Variants in SLC35A1 observed in about 807,000 individuals in gnomAD.
The protein encoded by SLC35A1 is solute carrier family 35 member A1, also known as CMP-sialic acid transporter.
SLC35A1 carries 21 observed loss-of-function variants against 40.3 expected under a neutral mutation model. The observed-to-expected ratio is 0.52, with a 90% confidence interval of 0.37 to 0.75. The LOEUF is 0.75. Ranked by LOEUF, SLC35A1 falls within the 30% of genes least tolerant of loss-of-function variation. The pLI is 0.00. For missense variants in SLC35A1, 297 were observed against 382.1 expected (o/e 0.78, Z 1.86); for synonymous variants, 146 against 147.3 (o/e 0.99, Z 0.06).
intron 4 of SLC35A1, among the ~76,000 whole-genome samples, chr6:87,504,126 C>CA (rs1259681835): frequency 2.6e-5 from 4 of 151,878 alleles, no homozygotes; most frequent in South Asian, 4.1e-4. Flanking sequence ...CATGTCTCTA[C>CA]AAAAAAATTT....
intron 2 of SLC35A1, among the ~76,000 whole-genome samples, chr6:87,492,212 A>G (rs568334462): frequency 1.3e-5 from 2 of 152,290 alleles, no homozygotes; most frequent in South Asian, 2.1e-4. Context: ...CGGACCTTAT[A>G]TAAATTTTTC....
chr6:87,500,668 G>T lies in SLC35A1; in HGVS notation c.354+1G>T. The T allele has an allele frequency of 6.2e-7, 1 of 1,613,902 alleles. No individual in the cohort carries two copies. On this transcript the variant is annotated splice_donor_variant, in intron 3 of 7. Transcript: ENST00000369552. LOFTEE classifies it high-confidence loss of function. Reference sequence around the variant, plus strand: ...CAATCTGGATGCAGCAGTGTACCAGGTAAGTGGAGTTAATGATAATGAAAA... The same window carrying T: ...CAATCTGGATGCAGCAGTGTACCAGTTAAGTGGAGTTAATGATAATGAAAA...
chr6:87,508,292 T>C lies in SLC35A1; in HGVS notation c.575-128T>C, dbSNP rs1770149599. On this transcript the variant is annotated intron_variant, in intron 5 of 7. Transcript: ENST00000369552. ...CACAACCTACATAATAAATGCACAT[T>C]TAAGTAAAGTATGTTTTGTTCCCCA... is the stretch of plus-strand genomic sequence containing the variant. 3 of 653,574 alleles carry C rather than the reference T, an allele frequency of 4.6e-6. No individual in the cohort carries two copies. In the Admixed American group the frequency reaches 8.4e-5, roughly 18 times the overall value. The allele number at this position is 653,574 out of a possible 1,614,324, so 40.5% of individuals were successfully genotyped here.
chr6:87,502,318 A>C (rs1043136298), intron 4 of SLC35A1, among the ~76,000 whole-genome samples: 1 of 152,204 alleles, frequency 6.6e-6, no homozygotes, highest in African/African-American at 2.4e-5. Flanking sequence ...ACAGTTTGGT[A>C]ATTACCCCTT....
At chr6:87,486,411 A>G (rs768446506) in intron 2 of SLC35A1, among the ~76,000 whole-genome samples, 21 of 152,194 alleles carry the variant, frequency 1.4e-4, no homozygotes, top group Non-Finnish European at 1.6e-4. Context: ...ATATAATGGG[A>G]CAGTCAGGTT....
In SLC35A1 at chr6:87,483,904, C is replaced by T. The variant is rs184473900; in HGVS notation, c.194+6365C>T. Among the ~76,000 whole-genome samples, 118 of 152,286 alleles carry T rather than the reference C, an allele frequency of 7.7e-4. 1 individual carries two copies. Among genetic ancestry groups the T allele is most frequent in the South Asian group, 1.0e-3 (5 of 4,824 alleles). ...TCCCACAGCAGGATCCGCCCTAAGCCATACGAGGTAGCTGTGGAACTGCAG... is the reference window on the plus strand; with the variant it reads ...TCCCACAGCAGGATCCGCCCTAAGCTATACGAGGTAGCTGTGGAACTGCAG... On this transcript the variant is annotated intron_variant, in intron 2 of 7. Coordinates refer to ENST00000369552, the MANE Select transcript of SLC35A1 (RefSeq NM_006416.5).
chr6:87,489,109 T>TTGC (rs1251890874), intron 2 of SLC35A1, among the ~76,000 whole-genome samples: 17 of 152,230 alleles, frequency 1.1e-4, no homozygotes, highest in Admixed American at 2.6e-4. Context: ...TATAACTGGT[T>TTGC]TGCTAAAACA....
At position 87,508,436 on chromosome 6, in the gene SLC35A1, A is replaced by C; in HGVS notation, c.591A>C (p.Lys197Asn). The change falls in exon 6 of 8, where the codon AAA becomes AAC. Residue 197 changes from lysine to asparagine, a missense_variant. Coordinates refer to ENST00000369552, the MANE Select transcript of SLC35A1 (RefSeq NM_006416.5). ...TTCTTTCAGGAGTATATTTTGAAAA[A>C]GTTTTAAAGAGTTCAGATACTTCTC... ...CSGFAGVYFE[K>N]VLKSSDTSLW... is the part of the protein sequence containing the mutation. 1.2e-6 allele frequency: 2 copies of C among 1,605,450 alleles called. No homozygotes were observed. Among genetic ancestry groups the C allele is most frequent in the Non-Finnish European group, 1.7e-6 (2 of 1,173,762 alleles).
intron 2 of SLC35A1, among the ~76,000 whole-genome samples, chr6:87,485,180 A>G (rs981716870): frequency 6.6e-6 from 1 of 152,220 alleles, no homozygotes; most frequent in Non-Finnish European, 1.5e-5. Context: ...AATAATTGTT[A>G]CAAAAAATGT....
Position 87,511,556 on chromosome 6 carries a change from A to T in SLC35A1, c.*30A>T. ...AGCCTCACGTGAGACTCCTTTTAAG[A>T]CTAAACCATTTGCATTAAACTAGAG... On this transcript the variant is annotated 3_prime_UTR_variant, in exon 8 of 8. Transcript: ENST00000369552. 6.2e-7 allele frequency: 1 copy of T among 1,611,570 alleles called. No homozygotes were observed. The highest frequency in any genetic ancestry group is 8.5e-7 in the Non-Finnish European group (1 of 1,177,774).
intron 3 of SLC35A1, among the ~76,000 whole-genome samples, 156 bp from the exon 4 acceptor site, chr6:87,501,002 G>A (rs181054994): frequency 9.2e-5 from 14 of 152,072 alleles, no homozygotes; most frequent in African/African-American, 2.7e-4. Context: ...CACCCGCCTC[G>A]GCCTCCCAAA....
chr6:87,482,127 C>T (rs1203871008), intron 2 of SLC35A1, among the ~76,000 whole-genome samples: 4 of 152,276 alleles, frequency 2.6e-5, no homozygotes, highest in African/African-American at 4.8e-5. Context: ...TCGCAATCTT[C>T]GACAGGCCTC....
At chr6:87,478,471 T>C (rs893117574) in intron 2 of SLC35A1, among the ~76,000 whole-genome samples, 7 of 152,140 alleles carry the variant, frequency 4.6e-5, no homozygotes, top group African/African-American at 1.7e-4. Context: ...TCAAGATGTG[T>C]GTTGGTGAGT....
At chr6:87,476,640 G>A (rs887112037) in intron 1 of SLC35A1, among the ~76,000 whole-genome samples, 1 of 151,872 alleles carries the variant, frequency 6.6e-6, no homozygotes, top group Non-Finnish European at 1.5e-5. Flanking sequence ...CAGGAGAATT[G>A]CTTGAACCCG....
chr6:87,489,097 G>T (rs1469125108), intron 2 of SLC35A1, among the ~76,000 whole-genome samples: 1 of 152,188 alleles, frequency 6.6e-6, no homozygotes, highest in Non-Finnish European at 1.5e-5. Context: ...TAGGCTGAAG[G>T]GTATAACTGG....
At chr6:87,507,833 AATTT>A (rs1056611334) in intron 5 of SLC35A1, among the ~76,000 whole-genome samples, 96 of 151,684 alleles carry the variant, frequency 6.3e-4, no homozygotes, top group Middle Eastern at 3.4e-3. Flanking sequence ...ATATACACAA[AATTT>A]ATTATCCAGT....
intron 2 of SLC35A1, among the ~76,000 whole-genome samples, chr6:87,481,916 T>G: frequency 6.6e-6 from 1 of 152,180 alleles, no homozygotes; most frequent in East Asian, 1.9e-4. Flanking sequence ...AAAACAAAAT[T>G]TTTTTTAACC....
intron 4 of SLC35A1, among the ~76,000 whole-genome samples, chr6:87,503,601 ACTCAGGAGG>A (rs1236217925): frequency 3.3e-5 from 5 of 152,000 alleles, no homozygotes; most frequent in African/African-American, 1.2e-4. Context: ...AATCCTAGCT[ACTCAGGAGG>A]CTGAGGCAGG....
chr6:87,505,855 G>A (rs902784184), intron 4 of SLC35A1, among the ~76,000 whole-genome samples: 3 of 152,138 alleles, frequency 2.0e-5, no homozygotes, highest in Non-Finnish European at 4.4e-5. Flanking sequence ...ATCTCAACAT[G>A]TGTTTTGAAG....
Sources: allele counts gnomAD v4.1 joint callset (sites outside exome capture counted in the v4.1 genomes callset), GRCh38; gene constraint gnomAD v4.1.1; transcripts MANE v1.5; gene names NCBI Gene and HGNC (gene_info 2026-07-23, HGNC 2026-07-21).